The following IGSF11 variants were observed in gnomAD, a reference collection of about 807,000 sequenced individuals.
IGSF11 encodes the protein CXADR like 1.
In IGSF11, 22 loss-of-function variants were observed where a neutral mutation model predicts 41.0. The ratio of observed to expected loss-of-function variants is 0.54; its 90% CI spans 0.38 to 0.77. IGSF11 has a LOEUF of 0.77. IGSF11 is among the 30% of genes least tolerant of loss of function. The pLI is 0.00. For missense variants in IGSF11, 444 were observed against 530.8 expected, an observed-to-expected ratio of 0.84 and a Z score of 1.61; for synonymous variants, 219 against 201.3, an observed-to-expected ratio of 1.09 and a Z score of -0.74.
chr3:119,016,629 G>A (rs887534635), intron 1 of IGSF11, among the ~76,000 whole-genome samples: 1 of 152,170 alleles, frequency 6.6e-6, no homozygotes, highest in African/African-American at 2.4e-5. Flanking sequence ...CAAAAGAAAA[G>A]ACATATCATT....
chr3:119,110,211 T>A (rs1315837526), upstream of IGSF11, among the ~76,000 whole-genome samples: 7 of 152,086 alleles, frequency 4.6e-5, no homozygotes, highest in East Asian at 1.9e-4. Flanking sequence ...CCCATTATTA[T>A]TGTGTGGGAG....
intron 1 of IGSF11, among the ~76,000 whole-genome samples, chr3:119,000,486 C>T (rs1034630618): frequency 2.6e-5 from 4 of 151,460 alleles, no homozygotes; most frequent in African/African-American, 9.7e-5. Context: ...TCTGTCCTTC[C>T]AGTTGCTAGG....
At chr3:119,025,097 T>C (rs1939691322) in intron 1 of IGSF11, among the ~76,000 whole-genome samples, 1 of 152,174 alleles carries the variant, frequency 6.6e-6, no homozygotes, top group Non-Finnish European at 1.5e-5. Flanking sequence ...ATTCTGAGGA[T>C]AGAAATTACT....
At chr3:118,914,008 G>GGAA (rs1225450671) in intron 4 of IGSF11, among the ~76,000 whole-genome samples, 2 of 152,088 alleles carry the variant, frequency 1.3e-5, no homozygotes, top group African/African-American at 2.4e-5. Flanking sequence ...TAGGGAAAAT[G>GGAA]GAAGAAAGAC....
At chr3:119,060,881 A>G (rs1190439986) in intron 1 of IGSF11, among the ~76,000 whole-genome samples, 1 of 152,202 alleles carries the variant, frequency 6.6e-6, no homozygotes, top group Non-Finnish European at 1.5e-5. Flanking sequence ...CTTAAGAGAT[A>G]CAGACATATA....
intron 1 of IGSF11, among the ~76,000 whole-genome samples, chr3:118,961,893 G>A (rs374659381): frequency 6.6e-6 from 1 of 152,214 alleles, no homozygotes; most frequent in South Asian, 2.1e-4. Flanking sequence ...CAATAGCTAC[G>A]TAATATATGT....
chr3:118,981,067 C>T (rs769294563), intron 1 of IGSF11, among the ~76,000 whole-genome samples: 2 of 152,242 alleles, frequency 1.3e-5, no homozygotes, highest in Non-Finnish European at 2.9e-5. Context: ...CCAAGTTTCA[C>T]CTCAAGGATC....
At chr3:118,916,410 A>C (rs1941099020) in intron 4 of IGSF11, among the ~76,000 whole-genome samples, 1 of 152,134 alleles carries the variant, frequency 6.6e-6, no homozygotes, top group Non-Finnish European at 1.5e-5. Flanking sequence ...GGATGGAGGA[A>C]GATCTACCAA....
upstream of IGSF11, among the ~76,000 whole-genome samples, chr3:119,106,675 G>C (rs1186075102): frequency 6.6e-6 from 1 of 152,050 alleles, no homozygotes; most frequent in East Asian, 1.9e-4. Flanking sequence ...CCATGCTGGT[G>C]TGCTGCACCC....
chr3:119,128,271 T>C (rs1230766642), intron 1 of IGSF11, among the ~76,000 whole-genome samples: 1 of 151,796 alleles, frequency 6.6e-6, no homozygotes, highest in African/African-American at 2.4e-5. Flanking sequence ...GGCAGGAGAA[T>C]TGTTTGAATC....
chr3:119,030,361 A>C (rs1036532488), intron 1 of IGSF11, among the ~76,000 whole-genome samples: 1 of 152,200 alleles, frequency 6.6e-6, no homozygotes, highest in Non-Finnish European at 1.5e-5. Context: ...TATCTGATAA[A>C]GGCAATGATG....
In IGSF11 at chr3:118,981,038, T is replaced by G. The variant is rs932476746; in HGVS notation, c.53-50763A>C. ...CAGAGTAACATCTGGGACAGTGGTT[T>G]ACAACACTTTGCCACTCACCAAGTT... On this transcript the variant is annotated intron_variant, in intron 1 of 6. Coordinates refer to ENST00000393775, the MANE Select transcript of IGSF11 (RefSeq NM_001015887.3). Among the ~76,000 whole-genome samples the G allele has an allele frequency of 3.3e-5, 5 of 152,372 alleles. 1 individual carries two copies. Among genetic ancestry groups the G allele is most frequent in the East Asian group, 1.9e-4 (1 of 5,194 alleles).
intron 1 of IGSF11, among the ~76,000 whole-genome samples, chr3:119,051,838 T>C (rs1941640086): frequency 6.6e-6 from 1 of 152,148 alleles, no homozygotes; most frequent in South Asian, 2.1e-4. Flanking sequence ...CTGAAAACTA[T>C]ACAGATACAT....
chr3:119,014,275 G>A (rs139719282), intron 1 of IGSF11, among the ~76,000 whole-genome samples: 2 of 152,300 alleles, frequency 1.3e-5, no homozygotes, highest in East Asian at 3.9e-4. Context: ...ATCTTACCCA[G>A]TCTGGAATAC....
Position 119,031,009 on chromosome 3 carries a change from C to A in IGSF11, c.52+3522G>T, listed in dbSNP as rs1046996295. On this transcript the variant is annotated intron_variant, in intron 1 of 6. Coordinates refer to ENST00000393775, the MANE Select transcript of IGSF11 (RefSeq NM_001015887.3). ...CGGTGGCTCAGGCCTGTAATCCCAG[C>A]ACTTTGGGAGACTGGGGTGAGCAAA... Among the ~76,000 whole-genome samples, 5 of 152,294 alleles carry A rather than the reference C, an allele frequency of 3.3e-5. 1 individual carries two copies. The highest frequency in any genetic ancestry group is 1.9e-4 in the East Asian group (1 of 5,178).
chr3:119,124,941 G>A (rs745990969), intron 1 of IGSF11, among the ~76,000 whole-genome samples: 35 of 152,104 alleles, frequency 2.3e-4, no homozygotes, highest in Non-Finnish European at 3.8e-4. Flanking sequence ...AAATACAATG[G>A]AGCTCCAATA....
At chr3:119,113,771 C>T (rs2077217930) in intron 1 of IGSF11, among the ~76,000 whole-genome samples, 1 of 152,288 alleles carries the variant, frequency 6.6e-6, no homozygotes. Context: ...TCAAACCCCA[C>T]ATTTCCCCTC....
At chr3:119,110,270 G>A (rs1404337485) in intron 1 of IGSF11, among the ~76,000 whole-genome samples, 2 of 152,000 alleles carry the variant, frequency 1.3e-5, no homozygotes, top group Non-Finnish European at 2.9e-5. Flanking sequence ...GAATCTGGGT[G>A]CTCCTGTATT....
chr3:119,018,392 A>G (rs1158466297), intron 1 of IGSF11, among the ~76,000 whole-genome samples: 1 of 152,236 alleles, frequency 6.6e-6, no homozygotes, highest in Admixed American at 6.5e-5. Context: ...ACTCCTATAA[A>G]TGTTTCCCAA....
Sources: allele counts gnomAD v4.1 joint callset (sites outside exome capture counted in the v4.1 genomes callset), GRCh38; gene constraint gnomAD v4.1.1; transcripts MANE v1.5; gene names NCBI Gene and HGNC (gene_info 2026-07-23, HGNC 2026-07-21).